The following ATP2C1 variants were observed in gnomAD, a reference collection of about 807,000 sequenced individuals.
ATP2C1 encodes calcium-transporting ATPase type 2C member 1.
In ATP2C1, 31 loss-of-function variants were observed where a neutral mutation model predicts 120.5. The ratio of observed to expected loss-of-function variants is 0.26; its 90% confidence interval spans 0.19 to 0.35. The LOEUF (loss-of-function observed/expected upper bound fraction) is 0.35, where lower values mean the gene tolerates loss of function less well. Ranked by LOEUF, ATP2C1 falls within the 10% of genes least tolerant of loss-of-function variation. ATP2C1 has a pLI of 1.00. For synonymous variants in ATP2C1, 351 were observed against 358.7 expected, an observed-to-expected ratio of 0.98 and a Z score of 0.24; for missense variants, 731 against 1,107.5, an observed-to-expected ratio of 0.66 and a Z score of 4.83.
intron 6 of ATP2C1, among the ~76,000 whole-genome samples, chr3:130,939,168 A>G (rs1419352116): frequency 1.3e-5 from 2 of 152,216 alleles, no homozygotes; most frequent in East Asian, 3.8e-4. Flanking sequence ...AAAAGATCCT[A>G]TTTACTGTCA....
chr3:130,976,337 C>G (rs141505692), intron 18 of ATP2C1, among the ~76,000 whole-genome samples: 1 of 152,084 alleles, frequency 6.6e-6, no homozygotes, highest in African/African-American at 2.4e-5. Context: ...GGTACTCTTA[C>G]CAGCAGAGAA....
intron 26 of ATP2C1, chr3:131,015,964 T>G (rs2063606888): frequency 1.3e-6 from 1 of 790,180 alleles, no homozygotes; most frequent in South Asian, 1.5e-5. Flanking sequence ...AATAATTTAA[T>G]ATTTTTCCCG....
At chr3:130,965,152 TTAG>T in intron 14 of ATP2C1, 107 bp downstream of exon 14, 1 of 754,040 alleles carries the variant, frequency 1.3e-6, no homozygotes, top group Non-Finnish European at 2.3e-6. Context: ...GGGCTGTAAA[TTAG>T]TAGTGGAGTT....
intron 2 of ATP2C1, among the ~76,000 whole-genome samples, chr3:130,903,688 A>C (rs72983771): frequency 0.17 from 20,150 of 115,822 alleles, 1,861 homozygotes; most frequent in African/African-American, 0.35. Context: ...CCCCTTTCCC[A>C]TTTCCCCTTT....
chr3:130,904,458 C>T (rs2058032941), intron 2 of ATP2C1, among the ~76,000 whole-genome samples: 1 of 151,936 alleles, frequency 6.6e-6, no homozygotes, highest in South Asian at 2.1e-4. Flanking sequence ...CCGTGATTAG[C>T]ATGTCTTATG....
intron 20 of ATP2C1, among the ~76,000 whole-genome samples, chr3:130,988,981 G>A (rs959966858): frequency 6.6e-6 from 1 of 152,076 alleles, no homozygotes; most frequent in African/African-American, 2.4e-5. Flanking sequence ...GGCCGGGCAC[G>A]GTGGCTCACA....
At chr3:130,916,753 G>A (rs1369251212) in intron 2 of ATP2C1, among the ~76,000 whole-genome samples, 4 of 151,840 alleles carry the variant, frequency 2.6e-5, no homozygotes, top group East Asian at 1.9e-4. Context: ...TCAGCCACTC[G>A]ACAGCTCAAT....
rs1476655987 is a variant in ATP2C1, at chr3:130,886,412, T to C, written c.108+35484T>C. 4.6e-5 allele frequency among the ~76,000 whole-genome samples: 7 copies of C among 152,288 alleles called. No individual in the cohort carries two copies. In the South Asian group the frequency reaches 1.5e-3, roughly 32 times the overall value. Reference sequence around the variant, plus strand: ...TAGGAAGTTTTCTGGTATCATCCCTTTGAATAAACTTTCCATCCCCATCTT... The same window carrying C: ...TAGGAAGTTTTCTGGTATCATCCCTCTGAATAAACTTTCCATCCCCATCTT... On this transcript the variant is annotated intron_variant, in intron 1 of 26. Transcript: ENST00000504381.
chr3:130,923,937 C>T (rs773518866), intron 2 of ATP2C1, among the ~76,000 whole-genome samples: 3 of 150,858 alleles, frequency 2.0e-5, no homozygotes, highest in Non-Finnish European at 2.9e-5. Flanking sequence ...TATCTTTTTC[C>T]ATCCCTTTAT....
At chr3:130,924,978 G>A (rs2059138279) in intron 2 of ATP2C1, among the ~76,000 whole-genome samples, 1 of 151,908 alleles carries the variant, frequency 6.6e-6, no homozygotes, top group South Asian at 2.1e-4. Flanking sequence ...TTTATATCCT[G>A]TATCATGTTT....
At chr3:130,998,624 GTGT>G (rs560987200) in intron 26 of ATP2C1, among the ~76,000 whole-genome samples, 74 of 152,278 alleles carry the variant, frequency 4.9e-4, no homozygotes, top group African/African-American at 1.8e-3. Flanking sequence ...TAATTCACAG[GTGT>G]TGTCATCTGC....
chr3:130,937,604 A>T (rs1009850892), intron 6 of ATP2C1, 141 bp downstream of exon 6: 1 of 746,844 alleles, frequency 1.3e-6, no homozygotes, highest in East Asian at 2.6e-5. Context: ...GTAATTTCAG[A>T]TACAGACAAC....
chr3:131,001,756 A>T lies in ATP2C1; in HGVS notation c.*406A>T, dbSNP rs2062896140. On this transcript the variant is annotated 3_prime_UTR_variant, in exon 28 of 28. Transcript: ENST00000510168. ...GGGGCTTTCTTACTAATACACAAAT[A>T]AATTTAATCATTTCAAAGGCATTCT... is the stretch of plus-strand genomic sequence containing the variant. 1 of 981,066 alleles carries T rather than the reference A, an allele frequency of 1.0e-6. No homozygotes were observed. Among genetic ancestry groups the T allele is most frequent in the Non-Finnish European group, 1.2e-6 (1 of 825,680 alleles). The allele number at this position is 981,066 out of a possible 1,614,324, so 60.8% of individuals were successfully genotyped here.
At chr3:130,994,989 A>G (rs2062537027) in intron 22 of ATP2C1, among the ~76,000 whole-genome samples, 1 of 152,242 alleles carries the variant, frequency 6.6e-6, no homozygotes, top group Admixed American at 6.5e-5. Flanking sequence ...CTTGATGTGC[A>G]GGAGCAACAC....
In ATP2C1 at chr3:131,002,493, CCTT is replaced by C. The variant is rs1322226146; in HGVS notation, c.*1147_*1149del. 39 of 985,048 alleles carry C rather than the reference CCTT, an allele frequency of 4.0e-5. No homozygotes were observed. Among genetic ancestry groups the C allele is most frequent in the Non-Finnish European group, 4.2e-5 (35 of 829,878 alleles). 61.0% of individuals were successfully genotyped at this position (985,048 alleles called of 1,614,324 possible). On this transcript the variant is annotated 3_prime_UTR_variant, in exon 28 of 28. Transcript: ENST00000510168. ...TTCTACTTTCATCATGTGTTCTGTA[CCTT>C]CTTTTTGTTTCATTGGGCATGCTAG...
At chr3:130,964,160 T>TC in intron 13 of ATP2C1, 65 bp downstream of exon 13, 47 of 1,573,110 alleles carry the variant, frequency 3.0e-5, no homozygotes, top group Non-Finnish European at 3.8e-5. Context: ...GTGAATCATC[T>TC]CAGAGTTTTA....
At chr3:130,991,933 G>A (rs893778096) in intron 20 of ATP2C1, among the ~76,000 whole-genome samples, 2 of 152,186 alleles carry the variant, frequency 1.3e-5, no homozygotes, top group Non-Finnish European at 2.9e-5. Flanking sequence ...GCAGGTACGA[G>A]GAGAGAAAAC....
In ATP2C1 at chr3:131,002,572, A is replaced by T. The variant is rs1182533926; in HGVS notation, c.*1222A>T. ...TGCCATCAGTTTTTATGAAAGCTTG[A>T]TGAGGTATAGGTCATTTGTTTTGAG... On this transcript the variant is annotated 3_prime_UTR_variant, in exon 28 of 28. Coordinates refer to ENST00000510168, the MANE Select transcript of ATP2C1 (RefSeq NM_001378687.1). 3.0e-6 allele frequency: 3 copies of T among 985,306 alleles called. No individual in the cohort carries two copies. Among genetic ancestry groups the T allele is most frequent in the Non-Finnish European group, 3.6e-6 (3 of 829,934 alleles). 61.0% of individuals were successfully genotyped at this position (985,306 alleles called of 1,614,324 possible).
At chr3:130,936,009 T>C (rs1308389862) in intron 5 of ATP2C1, among the ~76,000 whole-genome samples, 3 of 152,188 alleles carry the variant, frequency 2.0e-5, no homozygotes, top group African/African-American at 7.2e-5. Flanking sequence ...CAGATTCTTA[T>C]TTTTGAAAGT....
Sources: gnomAD v4.1 joint callset for allele counts (sites outside exome capture counted in the v4.1 genomes callset) on GRCh38, gnomAD v4.1.1 for gene constraint, MANE v1.5 for transcripts, NCBI Gene and HGNC (gene_info 2026-07-23, HGNC 2026-07-21) for gene names.